SORCS3: variants seen among roughly 807,000 people sequenced by gnomAD.
The protein encoded by SORCS3 is VPS10 domain-containing receptor SorCS3.
SORCS3 carries 57 observed loss-of-function variants against 146.3 expected under a neutral mutation model. That is an observed-to-expected ratio of 0.39 (90% CI 0.31 to 0.49). SORCS3 has a LOEUF of 0.49. Ranked by LOEUF, SORCS3 falls within the 20% of genes least tolerant of loss-of-function variation. SORCS3 has a pLI of 0.92. For synonymous variants in SORCS3, 653 were observed against 618.5 expected (o/e 1.06, Z -0.83); for missense variants, 1,341 against 1,575.5 (o/e 0.85, Z 2.52).
At chr10:105,158,862 A>T in intron 10 of SORCS3, 30 bp from the exon 11 acceptor site, 1 of 1,563,542 alleles carries the variant, frequency 6.4e-7, no homozygotes, top group Non-Finnish European at 8.8e-7. Flanking sequence ...GGAATTTCCT[A>T]GAATGAAACT....
At chr10:104,785,782 C>T (rs920203574) in intron 1 of SORCS3, among the ~76,000 whole-genome samples, 14 of 152,082 alleles carry the variant, frequency 9.2e-5, no homozygotes, top group Non-Finnish European at 1.5e-4. Context: ...TTCTAGTTCT[C>T]GGGTGTTCTG....
intron 13 of SORCS3, among the ~76,000 whole-genome samples, chr10:105,175,372 A>T (rs1426206287): frequency 1.3e-5 from 2 of 152,002 alleles, no homozygotes; most frequent in African/African-American, 4.8e-5. Context: ...CCTTTTATTG[A>T]TAAGGAAATC....
chr10:104,971,096 A>G (rs118013290), intron 3 of SORCS3, among the ~76,000 whole-genome samples: 78 of 152,346 alleles, frequency 5.1e-4, no homozygotes, highest in Middle Eastern at 3.4e-3. Flanking sequence ...GAAGCCAGAG[A>G]CATAAACAGG....
At chr10:105,214,355 T>G in intron 17 of SORCS3, 87 bp from the exon 18 acceptor site, 7 of 1,436,766 alleles carry the variant, frequency 4.9e-6, no homozygotes, top group African/African-American at 1.4e-5. Context: ...CTCTCTTACA[T>G]TCCCTTTATA....
At chr10:104,702,662 C>G (rs1473321363) in intron 1 of SORCS3, among the ~76,000 whole-genome samples, 1 of 152,156 alleles carries the variant, frequency 6.6e-6, no homozygotes, top group Non-Finnish European at 1.5e-5. Flanking sequence ...AGCTATGAAC[C>G]TTGGACTGTA....
intron 7 of SORCS3, among the ~76,000 whole-genome samples, chr10:105,109,438 T>G (rs1370326586): frequency 2.0e-5 from 3 of 152,148 alleles, no homozygotes; most frequent in African/African-American, 7.2e-5. Context: ...TTGATTTTAG[T>G]CTTATAGGTA....
intron 4 of SORCS3, among the ~76,000 whole-genome samples, chr10:104,992,705 G>C (rs1436367448): frequency 6.6e-6 from 1 of 152,156 alleles, no homozygotes; most frequent in African/African-American, 2.4e-5. Context: ...TGGCACACAT[G>C]CTTTCTTCTA....
intron 1 of SORCS3, among the ~76,000 whole-genome samples, chr10:104,662,861 C>T (rs540409845): frequency 1.2e-4 from 19 of 152,264 alleles, no homozygotes; most frequent in African/African-American, 4.6e-4. Flanking sequence ...TTTTTATAGG[C>T]ACTGGGAACT....
chr10:104,929,062 G>T (rs2133609421), intron 3 of SORCS3, among the ~76,000 whole-genome samples: 1 of 152,306 alleles, frequency 6.6e-6, no homozygotes, highest in East Asian at 1.9e-4. Context: ...ATTATTCCTG[G>T]TTTCCCCCAG....
intron 3 of SORCS3, among the ~76,000 whole-genome samples, chr10:104,944,001 C>T (rs6584645): frequency 0.49 from 74,784 of 151,904 alleles, 22,135 homozygotes; most frequent in African/African-American, 0.84. Flanking sequence ...TCACTGCAAT[C>T]TCAACCTCAC....
At chr10:105,236,886 TCTA>T (rs920266105) in intron 20 of SORCS3, among the ~76,000 whole-genome samples, 20 of 152,300 alleles carry the variant, frequency 1.3e-4, no homozygotes, top group Middle Eastern at 3.4e-3. Flanking sequence ...TTATTTGAAA[TCTA>T]CTGTGTATCT....
At chr10:104,650,500 A>G (rs1564651109) in intron 1 of SORCS3, among the ~76,000 whole-genome samples, 2 of 152,286 alleles carry the variant, frequency 1.3e-5, no homozygotes, top group East Asian at 3.9e-4. Context: ...AGGGGAATAG[A>G]TACAAACACG....
Position 104,903,070 on chromosome 10 carries a change from AT to A in SORCS3, c.696-12762del, listed in dbSNP as rs2018868564. ...ATGGCCGGGCATTGAAGTAGAGTGC[AT>A]AGAACTTGGAATCATATGACCTGGG... On this transcript the variant is annotated intron_variant, in intron 2 of 26. Coordinates refer to ENST00000369701, the MANE Select transcript of SORCS3 (RefSeq NM_014978.3). Among the ~76,000 whole-genome samples the A allele has an allele frequency of 3.3e-5, 5 of 152,320 alleles. No individual in the cohort carries two copies. In the South Asian group the frequency reaches 1.0e-3, roughly 32 times the overall value.
At chr10:104,748,308 A>G (rs2016939657) in intron 1 of SORCS3, among the ~76,000 whole-genome samples, 1 of 152,198 alleles carries the variant, frequency 6.6e-6, no homozygotes, top group Non-Finnish European at 1.5e-5. Flanking sequence ...TTGGTTATTT[A>G]TATCAGCCAC....
chr10:104,777,370 C>A (rs964167443), intron 1 of SORCS3, among the ~76,000 whole-genome samples: 1 of 152,198 alleles, frequency 6.6e-6, no homozygotes, highest in African/African-American at 2.4e-5. Flanking sequence ...GGGGATGAGA[C>A]CCCAACATGC....
intron 1 of SORCS3, among the ~76,000 whole-genome samples, chr10:104,657,319 T>C (rs2015643455): frequency 6.6e-6 from 1 of 152,160 alleles, no homozygotes; most frequent in Non-Finnish European, 1.5e-5. Context: ...AAGTGATTGA[T>C]TGTTGTGAGA....
At chr10:104,848,134 C>T (rs1022341150) in intron 2 of SORCS3, among the ~76,000 whole-genome samples, 51 of 152,096 alleles carry the variant, frequency 3.4e-4, no homozygotes, top group African/African-American at 1.0e-3. Context: ...GGAGACCTGA[C>T]GAAAGTTTTC....
rs1467672751 is a variant in SORCS3, at chr10:105,144,151, C to G, written c.1303-3466C>G. The stretch of plus-strand genomic sequence containing the variant: ...CCATAGCACCCCTTATGATGTTACC[C>G]ACTGTCTGCCTCACCTCCTTCAGAG... On this transcript the variant is annotated intron_variant, in intron 8 of 26. Transcript: ENST00000369701. Among the ~76,000 whole-genome samples, 3 of 152,152 alleles carry G rather than the reference C, an allele frequency of 2.0e-5. No homozygotes were observed. The East Asian group carries it at 5.8e-4, about 29-fold the overall frequency.
intron 5 of SORCS3, among the ~76,000 whole-genome samples, chr10:105,070,315 G>A (rs564549099): frequency 6.6e-6 from 1 of 152,148 alleles, no homozygotes; most frequent in Non-Finnish European, 1.5e-5. Flanking sequence ...TTAGTAGGTG[G>A]TACAGCCAGG....
Sources: gnomAD v4.1 joint callset for allele counts (sites outside exome capture counted in the v4.1 genomes callset) on GRCh38, gnomAD v4.1.1 for gene constraint, MANE v1.5 for transcripts, NCBI Gene and HGNC (gene_info 2026-07-23, HGNC 2026-07-21) for gene names.